The following ZC3H12C variants were observed in gnomAD, a reference collection of about 807,000 sequenced individuals.
ZC3H12C encodes the protein probable ribonuclease ZC3H12C.
A neutral mutation model predicts 76.3 loss-of-function variants in ZC3H12C; 20 were observed. That is an observed-to-expected ratio of 0.26 (90% confidence interval 0.18 to 0.38). The LOEUF (loss-of-function observed/expected upper bound fraction) is 0.38. Among genes scored for constraint, ZC3H12C ranks in the 10% least tolerant of loss-of-function variants. The pLI is 1.00. For synonymous variants in ZC3H12C, 352 were observed against 399.6 expected (o/e 0.88, Z 1.42); for missense variants, 874 against 1,086.5 (o/e 0.80, Z 2.75).
chr11:110,130,932 C>G, intron 1 of ZC3H12C: 1 of 1,191,410 alleles, frequency 8.4e-7, no homozygotes, highest in Non-Finnish European at 1.2e-6. Flanking sequence ...GCTTTCTGGC[C>G]TATGATTGGC....
intron 5 of ZC3H12C, among the ~76,000 whole-genome samples, chr11:110,163,815 G>A (rs143000363): frequency 6.6e-6 from 1 of 152,240 alleles, no homozygotes; most frequent in Non-Finnish European, 1.5e-5. Context: ...AGTTCTGGAA[G>A]TGGCTGGGTG....
In ZC3H12C at chr11:110,169,339, GGTGTGT is replaced by G. The variant is rs143466304; in HGVS notation, c.*3639_*3644del. 0.06 allele frequency: 8,840 copies of G among 146,284 alleles called. 617 individuals carry two copies. The highest frequency in any genetic ancestry group is 0.18 in the African/African-American group (7,045 of 39,520). 9.1% of individuals were successfully genotyped at this position (146,284 alleles called of 1,614,324 possible). ...TGTGACAGGTGGGAGGATGGCTCTG[GGTGTGT>G]GTGTGTGTGTGTGTGTGTGTGTGTG... On this transcript the variant is annotated 3_prime_UTR_variant, in exon 6 of 6. Coordinates refer to ENST00000278590, the MANE Select transcript of ZC3H12C (RefSeq NM_033390.2).
At chr11:110,102,933 AT>A (rs1031481483) in intron 1 of ZC3H12C, among the ~76,000 whole-genome samples, 84 of 152,192 alleles carry the variant, frequency 5.5e-4, no homozygotes, top group Non-Finnish European at 9.3e-4. Context: ...AGGCATGTAC[AT>A]TTTTTTAGAC....
chr11:110,133,050 A>G (rs940906956), intron 1 of ZC3H12C, among the ~76,000 whole-genome samples: 2 of 152,148 alleles, frequency 1.3e-5, no homozygotes, highest in African/African-American at 4.8e-5. Context: ...CATTATATTA[A>G]CAAATACTGC....
At chr11:110,097,668 A>G (rs932261414) in intron 1 of ZC3H12C, among the ~76,000 whole-genome samples, 3 of 152,218 alleles carry the variant, frequency 2.0e-5, no homozygotes, top group Admixed American at 2.0e-4. Flanking sequence ...GAGTTCCCAC[A>G]ATTAATAATA....
intron 2 of ZC3H12C, among the ~76,000 whole-genome samples, chr11:110,149,626 T>C (rs1167949430): frequency 6.6e-6 from 1 of 152,260 alleles, no homozygotes; most frequent in African/African-American, 2.4e-5. Context: ...ATTTTGGCTT[T>C]AATTTGCATT....
intron 2 of ZC3H12C, among the ~76,000 whole-genome samples, chr11:110,151,801 C>T (rs1220290317): frequency 6.6e-6 from 1 of 152,108 alleles, no homozygotes; most frequent in African/African-American, 2.4e-5. Flanking sequence ...ACTATGGAAC[C>T]ATGTATTTTC....
intron 1 of ZC3H12C, among the ~76,000 whole-genome samples, chr11:110,132,804 G>A (rs1861890313): frequency 6.6e-6 from 1 of 151,928 alleles, no homozygotes; most frequent in Non-Finnish European, 1.5e-5. Flanking sequence ...AATTTAAGAT[G>A]GTTTATATGA....
chr11:110,153,193 G>A (rs930414248), intron 3 of ZC3H12C, 135 bp downstream of exon 3: 7 of 1,174,184 alleles, frequency 6.0e-6, no homozygotes, highest in Non-Finnish European at 8.1e-6. Context: ...GTTTTTTGTT[G>A]TTGTTGTTTT....
Position 110,115,061 on chromosome 11 carries a change from G to A in ZC3H12C, c.22-21602G>A, listed in dbSNP as rs999489735. Among the ~76,000 whole-genome samples, 9 of 152,046 alleles carry A rather than the reference G, an allele frequency of 5.9e-5. No homozygotes were observed. In the South Asian group the frequency reaches 1.9e-3, roughly 32 times the overall value. ...TTTTTCACTATCCACCATCTATATTGTTAAACTGAAATGAAGGTTTCACTT... is the reference window on the plus strand; with the variant it reads ...TTTTTCACTATCCACCATCTATATTATTAAACTGAAATGAAGGTTTCACTT... On this transcript the variant is annotated intron_variant, in intron 1 of 5. Transcript: ENST00000278590.
At chr11:110,141,815 T>C (rs2134181572) in intron 2 of ZC3H12C, among the ~76,000 whole-genome samples, 1 of 152,316 alleles carries the variant, frequency 6.6e-6, no homozygotes, top group South Asian at 2.1e-4. Context: ...TTTATGTTGA[T>C]TGTGGATTTA....
chr11:110,147,967 T>C (rs1406121740), intron 2 of ZC3H12C, among the ~76,000 whole-genome samples: 2 of 152,184 alleles, frequency 1.3e-5, no homozygotes, highest in Non-Finnish European at 2.9e-5. Flanking sequence ...CCATTGGGAA[T>C]CATCCATCCA....
chr11:110,106,282 AAT>A (rs1427971141), intron 1 of ZC3H12C, among the ~76,000 whole-genome samples: 1 of 14,058 alleles, frequency 7.1e-5, no homozygotes. Context: ...AAAATAAATA[AAT>A]AAATAAATAA....
At chr11:110,161,507 CTAAT>C (rs1423940075) in intron 4 of ZC3H12C, among the ~76,000 whole-genome samples, 1 of 152,142 alleles carries the variant, frequency 6.6e-6, no homozygotes, top group Non-Finnish European at 1.5e-5. Context: ...ACCTCTTGTG[CTAAT>C]TAAAAATGCA....
At chr11:110,094,084 T>C (rs900567093) in intron 1 of ZC3H12C, among the ~76,000 whole-genome samples, 11 of 152,226 alleles carry the variant, frequency 7.2e-5, no homozygotes, top group African/African-American at 2.7e-4. Flanking sequence ...CAAATATAAC[T>C]TGGAGAAATG....
At chr11:110,163,014 G>T (rs1350277857) in intron 4 of ZC3H12C, among the ~76,000 whole-genome samples, 1 of 152,192 alleles carries the variant, frequency 6.6e-6, no homozygotes, top group Non-Finnish European at 1.5e-5. Context: ...GAGGAAGGAA[G>T]AATTAATAGG....
At chr11:110,135,126 C>A (rs1009429451) in intron 1 of ZC3H12C, among the ~76,000 whole-genome samples, 2 of 152,048 alleles carry the variant, frequency 1.3e-5, no homozygotes, top group Non-Finnish European at 2.9e-5. Context: ...GTTTTTATGG[C>A]AGTCTGAAAT....
rs773984387 is a variant in ZC3H12C at position 110,168,008 on chromosome 11, T to G, written c.*2271T>G. On this transcript the variant is annotated 3_prime_UTR_variant, in exon 6 of 6. Transcript: ENST00000278590. Reference sequence around the variant, plus strand: ...ACTTCTTTTTAGTATGAAATCACTTTTAAATTATACATGTAGGTTTTGCTT... The same window carrying G: ...ACTTCTTTTTAGTATGAAATCACTTGTAAATTATACATGTAGGTTTTGCTT... The G allele has an allele frequency of 6.6e-6, 1 of 152,230 alleles. No individual in the cohort carries two copies. Among genetic ancestry groups the G allele is most frequent in the Non-Finnish European group, 1.5e-5 (1 of 68,018 alleles). 9.4% of individuals were successfully genotyped at this position (152,230 alleles called of 1,614,324 possible).
intron 3 of ZC3H12C, among the ~76,000 whole-genome samples, chr11:110,156,268 A>G (rs1033614767): frequency 6.6e-6 from 1 of 152,208 alleles, no homozygotes; most frequent in African/African-American, 2.4e-5. Flanking sequence ...CACTGCAACA[A>G]AAAAGACCCT....
Sources: allele counts gnomAD v4.1 joint callset (sites outside exome capture counted in the v4.1 genomes callset), GRCh38; gene constraint gnomAD v4.1.1; transcripts MANE v1.5; gene names NCBI Gene and HGNC (gene_info 2026-07-23, HGNC 2026-07-21).